The following PDE4D variants were observed in gnomAD, a reference collection of about 807,000 sequenced individuals.
The protein encoded by PDE4D is 3',5'-cyclic-AMP phosphodiesterase 4D.
A neutral mutation model predicts 87.4 loss-of-function variants in PDE4D; 24 were observed. The observed-to-expected ratio is 0.27, with a 90% CI of 0.20 to 0.39. The LOEUF (loss-of-function observed/expected upper bound fraction) is 0.39, where lower values mean the gene tolerates loss of function less well. Among genes scored for constraint, PDE4D ranks in the 10% least tolerant of loss-of-function variants. The pLI is 1.00. For missense variants in PDE4D, 714 were observed against 1,041.0 expected (o/e 0.69, Z 4.32); for synonymous variants, 384 against 383.2 (o/e 1.00, Z -0.02).
chr5:59,612,551 C>T (rs1829144075), intron 1 of PDE4D, among the ~76,000 whole-genome samples: 3 of 151,634 alleles, frequency 2.0e-5, no homozygotes, highest in African/African-American at 7.3e-5. Flanking sequence ...GCTCTTGAGT[C>T]GTGGTAGGAG....
intron 6 of PDE4D, among the ~76,000 whole-genome samples, chr5:58,995,258 C>G (rs986036753): frequency 7.9e-5 from 12 of 152,074 alleles, no homozygotes; most frequent in Middle Eastern, 3.4e-3. Flanking sequence ...ATGTAAATCC[C>G]CACTGCTGGA....
intron 1 of PDE4D, among the ~76,000 whole-genome samples, chr5:59,334,593 T>C (rs186521857): frequency 2.0e-4 from 30 of 152,166 alleles, no homozygotes; most frequent in African/African-American, 6.5e-4. Context: ...GTGTTTGTAG[T>C]GTAAGCATGT....
At chr5:60,181,691 A>G (rs1784388084) in intron 2 of PDE4D, among the ~76,000 whole-genome samples, 1 of 152,214 alleles carries the variant, frequency 6.6e-6, no homozygotes, top group Non-Finnish European at 1.5e-5. Flanking sequence ...AAAATGATTC[A>G]GTGTACTAGA....
intron 3 of PDE4D, among the ~76,000 whole-genome samples, chr5:59,192,188 C>T (rs1744484841): frequency 6.6e-6 from 1 of 152,144 alleles, no homozygotes; most frequent in Admixed American, 6.5e-5. Flanking sequence ...TAGAACTATA[C>T]ATAATCCTAC....
At chr5:60,377,180 T>G (rs1391416933) in intron 1 of PDE4D, among the ~76,000 whole-genome samples, 2 of 152,240 alleles carry the variant, frequency 1.3e-5, no homozygotes, top group East Asian at 1.9e-4. Flanking sequence ...TTATTGTCAC[T>G]GCCTATTTCT....
chr5:60,028,883 T>C (rs542541953), intron 2 of PDE4D, among the ~76,000 whole-genome samples: 1 of 152,310 alleles, frequency 6.6e-6, no homozygotes, highest in East Asian at 1.9e-4. Context: ...CAATGACAAC[T>C]TCTCTAATCT....
In PDE4D at chr5:59,218,637, C is replaced by A. The variant is rs77999589; in HGVS notation, c.456-2669G>T. Among the ~76,000 whole-genome samples, 450 of 152,026 alleles carry A rather than the reference C, an allele frequency of 3.0e-3. 1 individual carries two copies. Among genetic ancestry groups the A allele is most frequent in the Admixed American group, 7.1e-3 (109 of 15,264 alleles). On this transcript the variant is annotated intron_variant, in intron 1 of 14. Transcript: ENST00000340635. Reference sequence around the variant, plus strand: ...ACTAGATGGAGATCATTTTCTTAAACAAGGAAACTATTTTCTACTGAAGGG... The same window carrying A: ...ACTAGATGGAGATCATTTTCTTAAAAAAGGAAACTATTTTCTACTGAAGGG...
intron 5 of PDE4D, among the ~76,000 whole-genome samples, chr5:59,058,582 A>G (rs1762677069): frequency 2.0e-5 from 3 of 152,282 alleles, no homozygotes; most frequent in Admixed American, 6.5e-5. Context: ...TAAATCATCT[A>G]GACACCCTAC....
chr5:59,101,439 A>T (rs1054405924), intron 5 of PDE4D, among the ~76,000 whole-genome samples: 2 of 152,182 alleles, frequency 1.3e-5, no homozygotes, highest in Admixed American at 1.3e-4. Context: ...GAAAAAGATG[A>T]CAGGCCTTAT....
intron 1 of PDE4D, among the ~76,000 whole-genome samples, chr5:59,733,766 A>T (rs992140406): frequency 3.9e-5 from 6 of 151,992 alleles, no homozygotes; most frequent in African/African-American, 1.2e-4. Flanking sequence ...TCTTCTTCAC[A>T]GTCTTTAATT....
intron 2 of PDE4D, among the ~76,000 whole-genome samples, chr5:59,194,946 G>T (rs991271536): frequency 1.7e-4 from 26 of 152,328 alleles, no homozygotes; most frequent in African/African-American, 5.8e-4. Context: ...ACTCATGAAT[G>T]AATTAATGCT....
At chr5:60,303,420 T>C (rs1342390980) in intron 1 of PDE4D, among the ~76,000 whole-genome samples, 2 of 150,910 alleles carry the variant, frequency 1.3e-5, no homozygotes, top group African/African-American at 2.4e-5. Flanking sequence ...GCCATTCTCC[T>C]GCCTCAGCCT....
chr5:60,515,595 C>CTTT (rs1750759847), intron 1 of PDE4D, among the ~76,000 whole-genome samples: 1 of 71,074 alleles, frequency 1.4e-5, no homozygotes, highest in African/African-American at 6.9e-5. Context: ...CTTTCCTTTT[C>CTTT]TTTTTCTTTT....
At chr5:59,005,800 T>C (rs1751487970) in intron 6 of PDE4D, among the ~76,000 whole-genome samples, 1 of 152,232 alleles carries the variant, frequency 6.6e-6, no homozygotes, top group Non-Finnish European at 1.5e-5. Flanking sequence ...GGTGACAGGA[T>C]TGAAATGCAA....
chr5:59,668,791 A>AAAGAAGAAGAAGAAAGAAGAAGAAGAAG (rs1746532735), intron 1 of PDE4D, among the ~76,000 whole-genome samples: 2 of 137,612 alleles, frequency 1.5e-5, no homozygotes, highest in South Asian at 2.3e-4. Context: ...GAAGAAGAAG[A>AAAGAAGAAGAAGAAAGAAGAAGAAGAAG]AAGAAGAAGA....
intron 3 of PDE4D, among the ~76,000 whole-genome samples, chr5:59,917,730 A>G (rs1487819656): frequency 6.6e-6 from 1 of 152,192 alleles, no homozygotes; most frequent in African/African-American, 2.4e-5. Flanking sequence ...TGCTGAACAA[A>G]TTGTTAAAAT....
chr5:59,277,965 CTT>C (rs1297027041), intron 1 of PDE4D, among the ~76,000 whole-genome samples: 3 of 152,122 alleles, frequency 2.0e-5, no homozygotes, highest in Non-Finnish European at 2.9e-5. Context: ...CAAAAACAAA[CTT>C]AAGTGGGGAA....
At chr5:60,013,125 C>G (rs115909710) in intron 2 of PDE4D, among the ~76,000 whole-genome samples, 1 of 152,076 alleles carries the variant, frequency 6.6e-6, no homozygotes, top group Non-Finnish European at 1.5e-5. Flanking sequence ...GCCCTGACTC[C>G]GCTTTTTTGG....
intron 2 of PDE4D, among the ~76,000 whole-genome samples, chr5:60,184,692 A>G (rs900392200): frequency 2.6e-5 from 4 of 152,242 alleles, no homozygotes; most frequent in Non-Finnish European, 5.9e-5. Flanking sequence ...CTCCATAGAA[A>G]GAATGAAAGA....
Sources: gnomAD v4.1 joint callset for allele counts (sites outside exome capture counted in the v4.1 genomes callset) on GRCh38, gnomAD v4.1.1 for gene constraint, MANE v1.5 for transcripts, NCBI Gene and HGNC (gene_info 2026-07-23, HGNC 2026-07-21) for gene names.